RYR2: variants seen among roughly 807,000 people sequenced by gnomAD.
RYR2 encodes cardiac muscle ryanodine receptor-calcium release channel.
RYR2 carries 227 observed loss-of-function variants against 601.1 expected under a neutral mutation model. The ratio of observed to expected loss-of-function variants is 0.38; its 90% CI spans 0.34 to 0.42. The LOEUF is 0.42. Among genes scored for constraint, RYR2 ranks in the 10% least tolerant of loss-of-function variants. RYR2 has a pLI of 1.00. For missense variants in RYR2, 4,646 were observed against 6,156.5 expected, an observed-to-expected ratio of 0.75 and a Z score of 8.21; for synonymous variants, 2,223 against 2,175.1, an observed-to-expected ratio of 1.02 and a Z score of -0.61.
intron 2 of RYR2, among the ~76,000 whole-genome samples, chr1:237,292,129 A>T (rs1169986559): frequency 2.6e-5 from 4 of 152,222 alleles, no homozygotes; most frequent in African/African-American, 9.7e-5. Flanking sequence ...AACCAACAAG[A>T]GATCCCTAAA....
rs536688365 is a variant in RYR2, at chr1:237,503,217, T to C, written c.2397-72T>C. The C allele has an allele frequency of 2.2e-5, 30 of 1,388,950 alleles. No homozygotes were observed. In the South Asian group the frequency reaches 3.8e-4, roughly 18 times the overall value. 86.0% of individuals were successfully genotyped at this position (1,388,950 alleles called of 1,614,324 possible). ...TACTTTTGTACTAACAATTTTTCCC[T>C]AAGATTTTGTGAATTAGAAAACTTT... On this transcript the variant is annotated intron_variant, in intron 21 of 104. Coordinates refer to ENST00000366574, the MANE Select transcript of RYR2 (RefSeq NM_001035.3).
chr1:237,798,180 A>C lies in RYR2; in HGVS notation c.14090+10A>C, dbSNP rs780219331. 6.2e-6 allele frequency: 10 copies of C among 1,610,234 alleles called. No individual in the cohort carries two copies. Among genetic ancestry groups the C allele is most frequent in the Non-Finnish European group, 7.6e-6 (9 of 1,178,494 alleles). ...GCTCCTTATCAGCTGTGTAAGTGTT[A>C]CTTCGGCTCTATCCTACAGACTTAG... On this transcript the variant is annotated intron_variant, in intron 97 of 104. Transcript: ENST00000366574.
intron 1 of RYR2, among the ~76,000 whole-genome samples, chr1:237,204,386 T>C (rs141826819): frequency 6.6e-6 from 1 of 152,326 alleles, no homozygotes; most frequent in African/African-American, 2.4e-5. Context: ...TGAGTAGTGT[T>C]CTATTTTTGA....
At chr1:237,597,706 G>A (rs1040603049) in intron 34 of RYR2, among the ~76,000 whole-genome samples, 1 of 151,982 alleles carries the variant, frequency 6.6e-6, no homozygotes, top group Non-Finnish European at 1.5e-5. Context: ...TAATGAGAAA[G>A]GGAAAGGTAT....
intron 36 of RYR2, 109 bp downstream of exon 36, chr1:237,611,097 T>G (rs919775770): frequency 2.4e-6 from 2 of 836,978 alleles, no homozygotes; most frequent in African/African-American, 3.4e-5. Context: ...AGAAACAAGA[T>G]GAAATTTACA....
chr1:237,450,568 A>C (rs1483797918), intron 14 of RYR2, among the ~76,000 whole-genome samples: 1 of 152,158 alleles, frequency 6.6e-6, no homozygotes, highest in African/African-American at 2.4e-5. Flanking sequence ...TTCAGAGGGA[A>C]GGGAAATCCT....
chr1:237,740,359 A>C (rs978567801), intron 79 of RYR2, among the ~76,000 whole-genome samples: 7 of 152,334 alleles, frequency 4.6e-5, no homozygotes, highest in African/African-American at 1.7e-4. Context: ...TTCAGGTTTA[A>C]TAGTTTTTAA....
chr1:237,184,343 G>C (rs140106364), intron 1 of RYR2, among the ~76,000 whole-genome samples: 1 of 152,174 alleles, frequency 6.6e-6, no homozygotes, highest in Non-Finnish European at 1.5e-5. Context: ...CCAATTATGA[G>C]ATGAGAAGAT....
intron 29 of RYR2, among the ~76,000 whole-genome samples, chr1:237,586,640 C>T (rs1051365298): frequency 3.3e-5 from 5 of 152,180 alleles, no homozygotes; most frequent in African/African-American, 1.2e-4. Context: ...CTTCCTGACT[C>T]CCATCTCTCC....
intron 78 of RYR2, 59 bp from the exon 79 acceptor site, chr1:237,733,646 C>A (rs909650385): frequency 9.5e-7 from 1 of 1,053,560 alleles, no homozygotes; most frequent in Non-Finnish European, 1.5e-6. Context: ...AGCGATGATA[C>A]GTGTGCATGT....
At position 237,497,799 on chromosome 1, in the gene RYR2, CATT is replaced by C. The variant is rs549841287; in HGVS notation, c.2203+1048_2203+1050del. 8.0e-4 allele frequency among the ~76,000 whole-genome samples: 122 copies of C among 152,244 alleles called. 1 individual carries two copies. In the South Asian group the frequency reaches 9.1e-3, roughly 11 times the overall value. On this transcript the variant is annotated intron_variant, in intron 20 of 104. Coordinates refer to ENST00000366574, the MANE Select transcript of RYR2 (RefSeq NM_001035.3). ...AATGATACTTACTGAATTCTTTCTT[CATT>C]GAGTGCCAATAGCTCAGTTGTCTAG...
intron 8 of RYR2, among the ~76,000 whole-genome samples, chr1:237,378,607 G>A (rs1180045195): frequency 6.6e-6 from 1 of 152,146 alleles, no homozygotes; most frequent in East Asian, 1.9e-4. Context: ...AGCAGATACC[G>A]GGTTATAGAA....
At position 237,372,195 on chromosome 1, in the gene RYR2, C is replaced by T. The variant is rs138243442; in HGVS notation, c.385-2522C>T. ...TATAGGATGAGAAGTATAGGAAATA[C>T]ATGGACGTGATTTTAATGATGATTT... On this transcript the variant is annotated intron_variant, in intron 6 of 104. Coordinates refer to ENST00000366574, the MANE Select transcript of RYR2 (RefSeq NM_001035.3). Among the ~76,000 whole-genome samples, 1,250 of 152,228 alleles carry T rather than the reference C, an allele frequency of 8.2e-3. 4 individuals are homozygous for T. Among genetic ancestry groups the T allele is most frequent in the Non-Finnish European group, 0.012 (816 of 68,022 alleles).
intron 13 of RYR2, among the ~76,000 whole-genome samples, chr1:237,441,695 G>A (rs1424762217): frequency 6.6e-6 from 1 of 152,076 alleles, no homozygotes; most frequent in Non-Finnish European, 1.5e-5. Flanking sequence ...TATGGGATGC[G>A]TGCATTTAAA....
intron 1 of RYR2, among the ~76,000 whole-genome samples, chr1:237,078,763 C>G (rs1665288287): frequency 7.3e-6 from 1 of 137,344 alleles, no homozygotes; most frequent in Admixed American, 7.5e-5. Context: ...GGGAATCCTC[C>G]CTAAGTCATT....
Position 237,773,608 on chromosome 1 carries a change from T to C in RYR2, c.11735T>C (p.Val3912Ala). The stretch of plus-strand genomic sequence containing the variant: ...CGGAATTTCTCCAAAGCTATCCAAG[T>C]GGCAAAACAAGTCTTTAACACTCTT... ...GQRNFSKAIQ[V>A]AKQVFNTLTE... The change falls in exon 87 of 105, where the codon GTG becomes GCG. Residue 3912 changes from valine to alanine, a missense_variant. Around this residue, in one of 17 missense-constraint regions of RYR2, gnomAD observed 90 missense variants for 213.3 expected, o/e 0.42. Coordinates refer to ENST00000366574, the MANE Select transcript of RYR2 (RefSeq NM_001035.3). 1 of 1,611,974 alleles carries C rather than the reference T, an allele frequency of 6.2e-7. No individual in the cohort carries two copies. Among genetic ancestry groups the C allele is most frequent in the South Asian group, 1.1e-5 (1 of 91,030 alleles).
rs777329246 is a variant in RYR2, at chr1:237,788,160, G to A, written c.13476+25G>A. The A allele has an allele frequency of 4.4e-6, 7 of 1,573,332 alleles. No homozygotes were observed. In the East Asian group the frequency reaches 1.6e-4, roughly 35 times the overall value. ...AGTAAGATGTTTTAGAATGAATATTGTTACTGATATAGTGCAATACCGTAA... is the reference window on the plus strand; with the variant it reads ...AGTAAGATGTTTTAGAATGAATATTATTACTGATATAGTGCAATACCGTAA... On this transcript the variant is annotated intron_variant, in intron 92 of 104. Coordinates refer to ENST00000366574, the MANE Select transcript of RYR2 (RefSeq NM_001035.3).
At chr1:237,392,310 C>T (rs1702452346) in intron 10 of RYR2, among the ~76,000 whole-genome samples, 4 of 151,984 alleles carry the variant, frequency 2.6e-5, no homozygotes, top group African/African-American at 7.2e-5. Context: ...TAAAAAATAA[C>T]TAAAAGAGTG....
chr1:237,322,960 A>G (rs1008543685), intron 2 of RYR2, among the ~76,000 whole-genome samples: 4 of 151,830 alleles, frequency 2.6e-5, no homozygotes, highest in Non-Finnish European at 4.4e-5. Context: ...ATTTCCATTT[A>G]TATGTTTGTT....
Sources: allele counts gnomAD v4.1 joint callset (sites outside exome capture counted in the v4.1 genomes callset), GRCh38; gene constraint gnomAD v4.1.1; regional missense constraint gnomAD v4.1.1; transcripts MANE v1.5; gene names NCBI Gene and HGNC (gene_info 2026-07-23, HGNC 2026-07-21).